Variants in RBFOX1 observed in about 807,000 individuals in gnomAD.
RBFOX1 encodes RNA binding fox-1 homolog 1.
Under a neutral mutation model 57.7 loss-of-function variants are expected in RBFOX1, and 8 were observed. The observed-to-expected ratio is 0.14, with a 90% CI of 0.08 to 0.25. RBFOX1 has a LOEUF of 0.25. Ranked by LOEUF, RBFOX1 falls within the 10% of genes least tolerant of loss-of-function variation. The pLI, the probability that RBFOX1 is intolerant of heterozygous loss-of-function variation, is 1.00. For synonymous variants in RBFOX1, 326 were observed against 222.4 expected (o/e 1.47, Z -4.15); for missense variants, 611 against 548.5 (o/e 1.11, Z -1.14).
chr16:7,170,546 A>G (rs1184221929), intron 4 of RBFOX1, among the ~76,000 whole-genome samples: 1 of 152,130 alleles, frequency 6.6e-6, no homozygotes, highest in East Asian at 1.9e-4. Flanking sequence ...GCGAGCCACC[A>G]CTTCTGGCTA....
chr16:6,066,378 A>G (rs1411236196), intron 1 of RBFOX1, among the ~76,000 whole-genome samples: 2 of 151,570 alleles, frequency 1.3e-5, no homozygotes, highest in Non-Finnish European at 1.5e-5. Context: ...TTAAAAAAAA[A>G]TCCAATTTCT....
chr16:7,498,803 A>G (rs1296108361), intron 4 of RBFOX1, among the ~76,000 whole-genome samples: 1 of 152,188 alleles, frequency 6.6e-6, no homozygotes, highest in Admixed American at 6.5e-5. Flanking sequence ...GCAAGCTCTT[A>G]AAGCTCTCTG....
At chr16:6,361,131 G>T (rs1033132895) in intron 2 of RBFOX1, among the ~76,000 whole-genome samples, 2 of 152,012 alleles carry the variant, frequency 1.3e-5, no homozygotes, top group African/African-American at 2.4e-5. Flanking sequence ...TGTAATATGG[G>T]CAAAGTAACG....
chr16:6,089,797 C>A (rs577761149), intron 1 of RBFOX1, among the ~76,000 whole-genome samples: 1 of 152,174 alleles, frequency 6.6e-6, no homozygotes, highest in East Asian at 1.9e-4. Flanking sequence ...ACAATGACCA[C>A]TGAGTAGTTC....
chr16:6,299,867 C>G (rs899104073), intron 1 of RBFOX1, among the ~76,000 whole-genome samples: 12 of 152,192 alleles, frequency 7.9e-5, no homozygotes, highest in Non-Finnish European at 1.0e-4. Context: ...CCTCAGATGG[C>G]TTCACTAGAA....
intron 2 of RBFOX1, among the ~76,000 whole-genome samples, chr16:5,595,178 A>G (rs2047142384): frequency 6.6e-6 from 1 of 152,046 alleles, no homozygotes; most frequent in Non-Finnish European, 1.5e-5. Flanking sequence ...TTCCCCAAAG[A>G]CATTTCCAAA....
At chr16:6,936,546 G>A (rs1484871172) in intron 3 of RBFOX1, among the ~76,000 whole-genome samples, 1 of 151,936 alleles carries the variant, frequency 6.6e-6, no homozygotes, top group East Asian at 1.9e-4. Flanking sequence ...GGATATTAAG[G>A]GCTACATTTT....
chr16:7,274,406 C>T (rs952558107), intron 4 of RBFOX1, among the ~76,000 whole-genome samples: 2 of 152,154 alleles, frequency 1.3e-5, no homozygotes, highest in African/African-American at 4.8e-5. Context: ...CTGTAAAGCA[C>T]ACCCCTCTCA....
chr16:6,650,116 C>A (rs918964818), intron 2 of RBFOX1, among the ~76,000 whole-genome samples: 1 of 152,122 alleles, frequency 6.6e-6, no homozygotes, highest in Non-Finnish European at 1.5e-5. Flanking sequence ...TACAGTAGAT[C>A]TGTTTTTAAT....
At chr16:5,276,825 C>T (rs538234542) in intron 1 of RBFOX1, among the ~76,000 whole-genome samples, 6 of 152,240 alleles carry the variant, frequency 3.9e-5, no homozygotes, top group South Asian at 4.1e-4. Context: ...TGAAAGAGAA[C>T]GCTTTTACAC....
intron 2 of RBFOX1, among the ~76,000 whole-genome samples, chr16:5,568,697 G>A (rs951854032): frequency 3.3e-5 from 5 of 152,158 alleles, no homozygotes; most frequent in African/African-American, 9.7e-5. Context: ...TCTCTCATCC[G>A]TATTCTTCTT....
At chr16:6,736,515 G>A (rs555764502) in intron 3 of RBFOX1, among the ~76,000 whole-genome samples, 1 of 152,246 alleles carries the variant, frequency 6.6e-6, no homozygotes, top group South Asian at 2.1e-4. Context: ...AAGTAGTATT[G>A]CATCATATAT....
At chr16:6,904,206 A>G (rs983742881) in intron 3 of RBFOX1, among the ~76,000 whole-genome samples, 1 of 152,184 alleles carries the variant, frequency 6.6e-6, no homozygotes, top group Non-Finnish European at 1.5e-5. Context: ...AACACATTGC[A>G]TGCACTTTTG....
At chr16:6,479,532 G>C (rs901151155) in intron 2 of RBFOX1, among the ~76,000 whole-genome samples, 4 of 151,982 alleles carry the variant, frequency 2.6e-5, no homozygotes, top group African/African-American at 9.7e-5. Flanking sequence ...AAGTTGCAGT[G>C]AGCTGAGATC....
At chr16:5,779,849 G>A (rs142314740) in intron 3 of RBFOX1, among the ~76,000 whole-genome samples, 22 of 152,154 alleles carry the variant, frequency 1.4e-4, no homozygotes, top group Non-Finnish European at 1.9e-4. Context: ...TGTGACTTTG[G>A]GTTACCTTTA....
chr16:7,390,190 A>G (rs935975016), intron 4 of RBFOX1, among the ~76,000 whole-genome samples: 3 of 152,132 alleles, frequency 2.0e-5, no homozygotes, highest in Non-Finnish European at 4.4e-5. Context: ...GTTTGCTCCC[A>G]TTATTCTGTC....
intron 4 of RBFOX1, among the ~76,000 whole-genome samples, chr16:7,186,553 TATAAGCTTAAAC>T (rs2083870462): frequency 1.1e-4 from 7 of 62,850 alleles, no homozygotes; most frequent in African/African-American, 3.5e-4. Flanking sequence ...TTTATATAAA[TATAAGCTTAAAC>T]ATATTTATAT....
chr16:7,575,113 T>A (rs902986810), intron 5 of RBFOX1, among the ~76,000 whole-genome samples: 1 of 151,972 alleles, frequency 6.6e-6, no homozygotes, highest in Non-Finnish European at 1.5e-5. Context: ...AAAATCCTCC[T>A]GGATTTAGGA....
At chr16:5,722,378 GA>G (rs1272184551) in intron 3 of RBFOX1, among the ~76,000 whole-genome samples, 1 of 152,128 alleles carries the variant, frequency 6.6e-6, no homozygotes, top group African/African-American at 2.4e-5. Context: ...GCTTTCTATT[GA>G]AATATGTTTT....
Sources: gnomAD v4.1 joint callset for allele counts (sites outside exome capture counted in the v4.1 genomes callset) on GRCh38, gnomAD v4.1.1 for gene constraint, MANE v1.5 for transcripts, NCBI Gene and HGNC (gene_info 2026-07-23, HGNC 2026-07-21) for gene names.